Variants in DARS1 observed in about 807,000 individuals in gnomAD.
The protein encoded by DARS1 is aspartate--tRNA ligase, cytoplasmic.
A neutral mutation model predicts 68.8 loss-of-function variants in DARS1; 51 were observed. The ratio of observed to expected loss-of-function variants is 0.74; its 90% CI spans 0.59 to 0.94. DARS1 has a LOEUF of 0.94. Among genes scored for constraint, DARS1 ranks in the 40% least tolerant of loss-of-function variants. The pLI is 0.00. For synonymous variants in DARS1, 203 were observed against 190.4 expected (o/e 1.07, Z -0.55); for missense variants, 607 against 597.3 (o/e 1.02, Z -0.17).
intron 3 of DARS1, among the ~76,000 whole-genome samples, chr2:135,971,157 A>G (rs1278295801): frequency 6.6e-6 from 1 of 152,222 alleles, no homozygotes; most frequent in Non-Finnish European, 1.5e-5. Context: ...ACTACAGACC[A>G]CTATCTCTGA....
chr2:135,925,756 G>A (rs375182055), intron 7 of DARS1, among the ~76,000 whole-genome samples: 3 of 151,994 alleles, frequency 2.0e-5, no homozygotes, highest in African/African-American at 7.2e-5. Context: ...CACATTATGT[G>A]GTTTAGTGAA....
At chr2:135,982,768 T>C (rs991576467) in intron 2 of DARS1, among the ~76,000 whole-genome samples, 1 of 152,010 alleles carries the variant, frequency 6.6e-6, no homozygotes, top group African/African-American at 2.4e-5. Context: ...ATCATAGTAC[T>C]GCCAAAGAAG....
intron 4 of DARS1, among the ~76,000 whole-genome samples, chr2:135,945,072 C>T (rs1681690243): frequency 6.6e-6 from 1 of 152,132 alleles, no homozygotes; most frequent in Non-Finnish European, 1.5e-5. Context: ...ATTTGCTGGC[C>T]CTCTGCACCT....
chr2:135,963,878 A>T (rs1212777951), intron 3 of DARS1, among the ~76,000 whole-genome samples: 1 of 150,988 alleles, frequency 6.6e-6, no homozygotes, highest in Non-Finnish European at 1.5e-5. Context: ...CGGGGGCTTC[A>T]CCATATTGGT....
At chr2:135,911,043 C>T (rs1575381066) in intron 15 of DARS1, 96 bp downstream of exon 15, 2 of 625,826 alleles carry the variant, frequency 3.2e-6, no homozygotes, top group South Asian at 3.9e-5. Flanking sequence ...CAAATTTTCA[C>T]TTATGTCGTA....
At chr2:135,967,771 T>G (rs1316257529) in intron 3 of DARS1, among the ~76,000 whole-genome samples, 1 of 152,210 alleles carries the variant, frequency 6.6e-6, no homozygotes, top group Non-Finnish European at 1.5e-5. Context: ...CTCAGGGCTT[T>G]GCTCTACTAG....
At position 135,910,803 on chromosome 2, in the gene DARS1, A is replaced by G. The variant is rs537046556; in HGVS notation, c.1414+336T>C. The G allele has an allele frequency of 3.3e-5, 7 of 211,400 alleles. No homozygotes were observed. The South Asian group carries it at 5.9e-4, about 18-fold the overall frequency. The allele number at this position is 211,400 out of a possible 1,614,324, so 13.1% of individuals were successfully genotyped here. A position where few individuals can be genotyped will look rare whatever the true frequency, so the allele number is the denominator to read the frequency against. On this transcript the variant is annotated intron_variant, in intron 15 of 15. Transcript: ENST00000264161. ...TACTGTAGAAGTGATCTTAAAGTGA[A>G]TCAAGTGCTGCATCTCAATAAAAAC...
chr2:135,944,170 G>C (rs767570790), intron 4 of DARS1, among the ~76,000 whole-genome samples: 2 of 152,192 alleles, frequency 1.3e-5, no homozygotes, highest in Non-Finnish European at 1.5e-5. Context: ...TTATAAAGTA[G>C]CTTATTAAAC....
intron 4 of DARS1, among the ~76,000 whole-genome samples, chr2:135,947,001 C>T (rs1681738354): frequency 6.6e-6 from 1 of 152,218 alleles, no homozygotes; most frequent in South Asian, 2.1e-4. Context: ...AGGATGGTCT[C>T]GAACTCCTGG....
intron 3 of DARS1, among the ~76,000 whole-genome samples, chr2:135,962,472 G>A (rs1306870485): frequency 1.3e-5 from 2 of 152,026 alleles, no homozygotes; most frequent in Admixed American, 1.3e-4. Context: ...CATTTAGAAT[G>A]GGCCTTAACC....
intron 3 of DARS1, among the ~76,000 whole-genome samples, chr2:135,973,951 C>A (rs1682443635): frequency 6.6e-6 from 1 of 151,866 alleles, no homozygotes; most frequent in South Asian, 2.1e-4. Context: ...GGATGCATAC[C>A]CAATCTTCTA....
intron 4 of DARS1, among the ~76,000 whole-genome samples, chr2:135,955,829 T>C (rs1681961207): frequency 6.6e-6 from 1 of 151,956 alleles, no homozygotes; most frequent in Non-Finnish European, 1.5e-5. Context: ...CTAATTATTC[T>C]GACTTTTTTG....
chr2:135,947,499 T>C (rs1681751880), intron 4 of DARS1, among the ~76,000 whole-genome samples: 1 of 152,072 alleles, frequency 6.6e-6, no homozygotes, highest in Non-Finnish European at 1.5e-5. Context: ...ATTATTTCTT[T>C]AGCAATTCCC....
chr2:135,965,207 G>A (rs146968120), intron 3 of DARS1, among the ~76,000 whole-genome samples: 2 of 152,168 alleles, frequency 1.3e-5, no homozygotes, highest in African/African-American at 4.8e-5. Flanking sequence ...ACTATATCAC[G>A]GAGGAAGGGA....
intron 3 of DARS1, among the ~76,000 whole-genome samples, chr2:135,962,028 G>A (rs1009533913): frequency 1.3e-5 from 2 of 152,146 alleles, no homozygotes; most frequent in Non-Finnish European, 2.9e-5. Context: ...TAAATTGACA[G>A]GCTAGTGCCT....
In DARS1 at chr2:135,906,377, A is replaced by G. The variant is rs1040795611; in HGVS notation, c.*939T>C. Among the ~76,000 whole-genome samples the G allele has an allele frequency of 6.6e-5, 10 of 152,210 alleles. No individual in the cohort carries two copies. Among genetic ancestry groups the G allele is most frequent in the Admixed American group, 5.9e-4 (9 of 15,286 alleles). On this transcript the variant is annotated 3_prime_UTR_variant, in exon 16 of 16. Coordinates refer to ENST00000264161, the MANE Select transcript of DARS1 (RefSeq NM_001349.4). ...TTACACAAAAATTTCTTTTTGACGG[A>G]TAAGATGGGACTGGATTTTACTGAC...
At chr2:135,951,402 A>G (rs879495004) in intron 4 of DARS1, among the ~76,000 whole-genome samples, 1 of 152,206 alleles carries the variant, frequency 6.6e-6, no homozygotes, top group Non-Finnish European at 1.5e-5. Context: ...TCAAACCAGT[A>G]ATTTTCTAAT....
Position 135,907,279 on chromosome 2 carries a change from T to C in DARS1, c.*37A>G, listed in dbSNP as rs1459921695. The C allele has an allele frequency of 9.5e-7, 1 of 1,056,418 alleles. No individual in the cohort carries two copies. Among genetic ancestry groups the C allele is most frequent in the Non-Finnish European group, 1.4e-6 (1 of 740,612 alleles). The allele number at this position is 1,056,418 out of a possible 1,614,324, so 65.4% of individuals were successfully genotyped here. On this transcript the variant is annotated 3_prime_UTR_variant, in exon 16 of 16. Coordinates refer to ENST00000264161, the MANE Select transcript of DARS1 (RefSeq NM_001349.4). ...TTTTTTTTGAGGCAGGGTCTCGCTC[T>C]GTCATCCACACTGGAGTTAAGTGGC...
intron 4 of DARS1, among the ~76,000 whole-genome samples, chr2:135,959,394 A>C (rs2104832253): frequency 1.2e-5 from 1 of 84,506 alleles, no homozygotes; most frequent in South Asian, 5.1e-4. Flanking sequence ...TCCGTCTCAA[A>C]AAAAAAAAAA....
Sources: gnomAD v4.1 joint callset for allele counts (sites outside exome capture counted in the v4.1 genomes callset) on GRCh38, gnomAD v4.1.1 for gene constraint, MANE v1.5 for transcripts, NCBI Gene and HGNC (gene_info 2026-07-23, HGNC 2026-07-21) for gene names.